The following CAMTA1 variants were observed in gnomAD, a reference collection of about 807,000 sequenced individuals.
CAMTA1 encodes the protein calmodulin-binding transcription activator 1.
Under a neutral mutation model 170.9 loss-of-function variants are expected in CAMTA1, and 27 were observed. The observed-to-expected ratio is 0.16, with a 90% CI of 0.12 to 0.22. The LOEUF (loss-of-function observed/expected upper bound fraction) is 0.22, where lower values mean the gene tolerates loss of function less well. Among genes scored for constraint, CAMTA1 ranks in the 10% least tolerant of loss-of-function variants. The pLI is 1.00. For synonymous variants in CAMTA1, 833 were observed against 891.5 expected (o/e 0.93, Z 1.17); for missense variants, 1,619 against 2,217.2 (o/e 0.73, Z 5.42).
Position 7,547,296 on chromosome 1 carries a change from C to G in CAMTA1, c.510+79395C>G, listed in dbSNP as rs1285734368. On this transcript the variant is annotated intron_variant, in intron 6 of 22. Transcript: ENST00000303635. The surrounding 1 kb of genome is among the most constrained non-coding windows in gnomAD (Gnocchi z 5.7). ...CAAGATCTGGGCCTGAGTATGCTCA[C>G]TGCTCCCAGGCCTCTCTCAGTAGAT... Among the ~76,000 whole-genome samples, 2 of 151,934 alleles carry G rather than the reference C, an allele frequency of 1.3e-5. No individual in the cohort carries two copies. The highest frequency in any genetic ancestry group is 6.6e-5 in the Admixed American group (1 of 15,240).
chr1:7,660,614 C>G (rs2095947094), intron 7 of CAMTA1, among the ~76,000 whole-genome samples: 1 of 152,230 alleles, frequency 6.6e-6, no homozygotes, highest in African/African-American at 2.4e-5. Flanking sequence ...TGTCGACGCT[C>G]TCCTTGTCCC....
intron 11 of CAMTA1, among the ~76,000 whole-genome samples, chr1:7,690,174 G>GAA (rs2096295082): frequency 6.6e-6 from 1 of 152,208 alleles, no homozygotes; most frequent in Admixed American, 6.5e-5. Context: ...AAAATAAGAA[G>GAA]AAAGAGCCAG....
At chr1:6,844,722 G>A (rs1280382037) in intron 3 of CAMTA1, among the ~76,000 whole-genome samples, 5 of 146,530 alleles carry the variant, frequency 3.4e-5, no homozygotes, top group Non-Finnish European at 7.5e-5. Flanking sequence ...AAAGTTTACT[G>A]AAATGGTATA....
chr1:6,796,393 C>A (rs1642532053), intron 1 of CAMTA1, among the ~76,000 whole-genome samples: 1 of 152,136 alleles, frequency 6.6e-6, no homozygotes, highest in African/African-American at 2.4e-5. Context: ...CCACTTTGGC[C>A]TCCCAGAGTG....
At chr1:7,536,560 C>T (rs1184234386) in intron 6 of CAMTA1, among the ~76,000 whole-genome samples, 2 of 152,158 alleles carry the variant, frequency 1.3e-5, no homozygotes, top group Non-Finnish European at 2.9e-5. Flanking sequence ...TTGACAGGGG[C>T]TCTAGCCCAG....
chr1:7,493,318 C>T (rs1027023732), intron 6 of CAMTA1, among the ~76,000 whole-genome samples: 5 of 150,784 alleles, frequency 3.3e-5, no homozygotes, highest in Non-Finnish European at 1.5e-5. Flanking sequence ...CGCACACAAA[C>T]AAACCTACGT....
chr1:6,825,256 A>G lies in CAMTA1; in HGVS notation c.234+46A>G, dbSNP rs1646975186. The G allele has an allele frequency of 6.9e-6, 7 of 1,015,304 alleles. No individual in the cohort carries two copies. The East Asian group carries it at 1.7e-4, about 25-fold the overall frequency. 62.9% of individuals were successfully genotyped at this position (1,015,304 alleles called of 1,614,324 possible). Reference sequence around the variant, plus strand: ...AAGGGTATAATTATTTTAAGGGCAAATTTTTTAGGTTGCTTCACATAGTCC... The same window carrying G: ...AAGGGTATAATTATTTTAAGGGCAAGTTTTTTAGGTTGCTTCACATAGTCC... On this transcript the variant is annotated intron_variant, in intron 3 of 22. Coordinates refer to ENST00000303635, the MANE Select transcript of CAMTA1 (RefSeq NM_015215.4).
intron 5 of CAMTA1, among the ~76,000 whole-genome samples, chr1:7,339,916 A>G (rs2083668306): frequency 6.6e-6 from 1 of 152,128 alleles, no homozygotes; most frequent in Admixed American, 6.6e-5. Context: ...ACTCTCTTCT[A>G]GGCATCTTGA....
intron 3 of CAMTA1, among the ~76,000 whole-genome samples, chr1:7,051,272 G>A (rs1304745148): frequency 6.6e-6 from 1 of 152,180 alleles, no homozygotes; most frequent in Admixed American, 6.5e-5. Context: ...GAGCTGTTTG[G>A]GAGATGGCCA....
chr1:7,150,096 T>A (rs1646487716), intron 4 of CAMTA1, among the ~76,000 whole-genome samples: 1 of 151,822 alleles, frequency 6.6e-6, no homozygotes, highest in Admixed American at 6.6e-5. Flanking sequence ...TGGAGGAGAG[T>A]CCCTCAGTGA....
chr1:7,462,197 G>C (rs896090498), intron 5 of CAMTA1, among the ~76,000 whole-genome samples: 1 of 151,830 alleles, frequency 6.6e-6, no homozygotes, highest in Non-Finnish European at 1.5e-5. Flanking sequence ...GTGTGATCTC[G>C]GCTCACCACA....
chr1:7,507,633 G>C (rs1428455495), intron 6 of CAMTA1, among the ~76,000 whole-genome samples: 1 of 152,212 alleles, frequency 6.6e-6, no homozygotes, highest in Non-Finnish European at 1.5e-5. Context: ...AGGAAGGAGG[G>C]AGGCAGGGTG....
chr1:6,892,627 G>A (rs1410787641), intron 3 of CAMTA1, among the ~76,000 whole-genome samples: 1 of 148,658 alleles, frequency 6.7e-6, no homozygotes, highest in Non-Finnish European at 1.5e-5. Flanking sequence ...AAATGTGGTG[G>A]GGGTAGATGC....
intron 6 of CAMTA1, among the ~76,000 whole-genome samples, chr1:7,521,372 A>G (rs1168117636): frequency 6.6e-6 from 1 of 152,204 alleles, no homozygotes; most frequent in Admixed American, 6.5e-5. Context: ...CAGTGGTAAC[A>G]TTTTGCAAAA....
chr1:7,156,523 A>G (rs914192567), intron 4 of CAMTA1, among the ~76,000 whole-genome samples: 1 of 152,164 alleles, frequency 6.6e-6, no homozygotes, highest in African/African-American at 2.4e-5. Flanking sequence ...ACCTGCACTG[A>G]CTATTCACAG....
At chr1:7,533,176 C>T (rs1280457815) in intron 6 of CAMTA1, among the ~76,000 whole-genome samples, 1 of 152,146 alleles carries the variant, frequency 6.6e-6, no homozygotes, top group African/African-American at 2.4e-5. Flanking sequence ...AGTCGGGGGG[C>T]ACCCCTCCCC....
chr1:7,441,790 G>A (rs2092546695), intron 5 of CAMTA1, among the ~76,000 whole-genome samples: 1 of 152,126 alleles, frequency 6.6e-6, no homozygotes, highest in South Asian at 2.1e-4. Flanking sequence ...CATTAATTGG[G>A]CACAAAGAGC....
At chr1:6,844,953 GATTT>G (rs1301430424) in intron 3 of CAMTA1, among the ~76,000 whole-genome samples, 1 of 152,092 alleles carries the variant, frequency 6.6e-6, no homozygotes, top group Non-Finnish European at 1.5e-5. Context: ...TGTAATAAGG[GATTT>G]ATTTTTTATA....
chr1:7,286,291 G>A lies in CAMTA1; in HGVS notation c.438+36665G>A, dbSNP rs1195450334. On this transcript the variant is annotated intron_variant, in intron 5 of 22. Transcript: ENST00000303635. This position sits in a 1 kb window ranked among gnomAD's most constrained non-coding sequence, Gnocchi z 4.2. ...ATGGCACAGGTGGAGGGGCGGAGGCGCCAGGGTGTGCCACGTGCTTTTAGA... is the reference window on the plus strand; with the variant it reads ...ATGGCACAGGTGGAGGGGCGGAGGCACCAGGGTGTGCCACGTGCTTTTAGA... Among the ~76,000 whole-genome samples, 1 of 152,214 alleles carries A rather than the reference G, an allele frequency of 6.6e-6. No homozygotes were observed. Among genetic ancestry groups the A allele is most frequent in the Non-Finnish European group, 1.5e-5 (1 of 68,034 alleles).
Sources: gnomAD v4.1 joint callset for allele counts (sites outside exome capture counted in the v4.1 genomes callset) on GRCh38, gnomAD v4.1.1 for gene constraint, Gnocchi (gnomAD v3.1) non-coding constraint, MANE v1.5 for transcripts, NCBI Gene and HGNC (gene_info 2026-07-23, HGNC 2026-07-21) for gene names.